Variants in C11orf65 observed in about 807,000 individuals in gnomAD.
C11orf65 encodes the protein protein MFI.
Under a neutral mutation model 35.3 loss-of-function variants are expected in C11orf65, and 38 were observed. The observed-to-expected ratio is 1.08, with a 90% CI of 0.83 to 1.41. The LOEUF is 1.41. Among genes scored for constraint, C11orf65 ranks in the 40% most tolerant of loss-of-function variants. The pLI is 0.00. For synonymous variants in C11orf65, 105 were observed against 114.4 expected, an observed-to-expected ratio of 0.92 and a Z score of 0.53; for missense variants, 370 against 367.1, an observed-to-expected ratio of 1.01 and a Z score of -0.06.
chr11:108,332,726 G>A (rs1208865429), intron 3 of C11orf65: 2 of 1,600,144 alleles, frequency 1.2e-6, no homozygotes, highest in Admixed American at 3.3e-5. Flanking sequence ...ATGTTGGGTA[G>A]TTCCTTATGT....
chr11:108,367,588 C>A (rs142456486), intron 2 of C11orf65: 2 of 207,266 alleles, frequency 9.6e-6, no homozygotes, highest in Non-Finnish European at 9.8e-6. Flanking sequence ...CGGAGATTAA[C>A]AAATGGGTGA....
At chr11:108,348,541 T>G (rs548807829) in intron 2 of C11orf65, among the ~76,000 whole-genome samples, 1 of 151,908 alleles carries the variant, frequency 6.6e-6, no homozygotes, top group African/African-American at 2.4e-5. Context: ...GATTTCTAGG[T>G]GGAATAGACA....
chr11:108,390,309 C>A (rs1481028049), intron 7 of C11orf65, among the ~76,000 whole-genome samples: 1 of 152,190 alleles, frequency 6.6e-6, no homozygotes, highest in Non-Finnish European at 1.5e-5. Flanking sequence ...CAGGCGTAAG[C>A]CACCACACCC....
At chr11:108,316,388 C>G (rs1369262834) in intron 6 of C11orf65, among the ~76,000 whole-genome samples, 1 of 152,072 alleles carries the variant, frequency 6.6e-6, no homozygotes, top group Non-Finnish European at 1.5e-5. Context: ...TGGATAACAA[C>G]AGAAGACATT....
At chr11:108,450,580 C>T (rs534964832) in intron 2 of C11orf65, among the ~76,000 whole-genome samples, 30 of 128,772 alleles carry the variant, frequency 2.3e-4, no homozygotes, top group Non-Finnish European at 2.8e-4. Context: ...ACAATGAGAA[C>T]ACATAGGCAC....
At chr11:108,435,404 T>C (rs957681644) in intron 2 of C11orf65, among the ~76,000 whole-genome samples, 3 of 152,110 alleles carry the variant, frequency 2.0e-5, no homozygotes, top group African/African-American at 7.2e-5. Context: ...TTACTACCAG[T>C]AGAAATTAAG....
chr11:108,321,930 A>G (rs544526328), intron 6 of C11orf65, among the ~76,000 whole-genome samples: 26 of 152,192 alleles, frequency 1.7e-4, no homozygotes, highest in Non-Finnish European at 3.1e-4. Context: ...TTAAAAATTC[A>G]GCTTAAGTGT....
At chr11:108,378,211 C>T (rs1171766885), downstream of C11orf65, among the ~76,000 whole-genome samples, 6 of 151,916 alleles carry the variant, frequency 3.9e-5, no homozygotes, top group South Asian at 2.1e-4. Context: ...GGAGGCATCA[C>T]GCTACCTGAC....
chr11:108,357,926 C>T (rs932779556), intron 2 of C11orf65, among the ~76,000 whole-genome samples: 17 of 150,828 alleles, frequency 1.1e-4, no homozygotes, highest in African/African-American at 2.7e-4. Flanking sequence ...TCACCAGCAA[C>T]GGAACAAAGC....
chr11:108,427,072 A>G (rs1223335234), intron 3 of C11orf65, among the ~76,000 whole-genome samples: 1 of 152,226 alleles, frequency 6.6e-6, no homozygotes, highest in Non-Finnish European at 1.5e-5. Flanking sequence ...GTAAGACCTA[A>G]AACCATAAAA....
chr11:108,419,612 G>T (rs1479493779), intron 3 of C11orf65, among the ~76,000 whole-genome samples: 1 of 152,202 alleles, frequency 6.6e-6, no homozygotes, highest in Non-Finnish European at 1.5e-5. Context: ...TGAGGTGGAA[G>T]GATCACTTGA....
At position 108,316,135 on chromosome 11, in the gene C11orf65, G is replaced by T. The variant is rs772285831; in HGVS notation, c.641-7064C>A. Reference sequence around the variant, plus strand: ...TCAGGTACATTTTTTCCCAGATTTGGTAAAGCCATCACTAGTGTAGTGCTG... The same window carrying T: ...TCAGGTACATTTTTTCCCAGATTTGTTAAAGCCATCACTAGTGTAGTGCTG... On this transcript the variant is annotated intron_variant, in intron 6 of 6. Coordinates refer to the C11orf65 transcript ENST00000525729. 5 of 1,603,116 alleles carry T rather than the reference G, an allele frequency of 3.1e-6. No individual in the cohort carries two copies. The Admixed American group carries it at 5.0e-5, about 16-fold the overall frequency.
chr11:108,449,981 C>CAG (rs1360472634), intron 2 of C11orf65, among the ~76,000 whole-genome samples: 1 of 151,732 alleles, frequency 6.6e-6, no homozygotes, highest in East Asian at 1.9e-4. Flanking sequence ...AGGATATGAA[C>CAG]AGACACTCCT....
intron 2 of C11orf65, among the ~76,000 whole-genome samples, chr11:108,341,746 T>C (rs1180517026): frequency 6.6e-6 from 1 of 152,220 alleles, no homozygotes; most frequent in Non-Finnish European, 1.5e-5. Context: ...ATATTCAACT[T>C]TTCTAGTAAT....
intron 3 of C11orf65, among the ~76,000 whole-genome samples, chr11:108,416,004 A>G (rs1020330658): frequency 5.3e-5 from 8 of 152,218 alleles, no homozygotes; most frequent in African/African-American, 1.9e-4. Flanking sequence ...GTAAAATGCA[A>G]AACTATATAA....
intron 6 of C11orf65, among the ~76,000 whole-genome samples, chr11:108,323,510 A>G (rs1021524845): frequency 6.6e-6 from 1 of 152,212 alleles, no homozygotes; most frequent in South Asian, 2.1e-4. Context: ...ACTGTAGTTA[A>G]CAGTAATTTA....
intron 3 of C11orf65, among the ~76,000 whole-genome samples, chr11:108,422,644 G>A (rs2092836011): frequency 6.6e-6 from 1 of 152,158 alleles, no homozygotes; most frequent in African/African-American, 2.4e-5. Context: ...AGCACTTTGG[G>A]AGGCCAAGGT....
At chr11:108,457,517 G>A (rs191992440) in intron 2 of C11orf65, among the ~76,000 whole-genome samples, 1 of 151,858 alleles carries the variant, frequency 6.6e-6, no homozygotes, top group African/African-American at 2.4e-5. Context: ...GGTAGTGGGC[G>A]CCTGTAATCC....
At chr11:108,418,101 T>C (rs1331920566) in intron 3 of C11orf65, among the ~76,000 whole-genome samples, 2 of 152,116 alleles carry the variant, frequency 1.3e-5, no homozygotes, top group African/African-American at 4.8e-5. Flanking sequence ...CTTAATAACA[T>C]GGTCTCAAAT....
Sources: allele counts gnomAD v4.1 joint callset (sites outside exome capture counted in the v4.1 genomes callset), GRCh38; gene constraint gnomAD v4.1.1; transcripts MANE v1.5; gene names NCBI Gene and HGNC (gene_info 2026-07-23, HGNC 2026-07-21).